Variants in FAM163A observed in about 807,000 individuals in gnomAD.
The protein encoded by FAM163A is family with sequence similarity 163 member A.
In FAM163A, 7 loss-of-function variants were observed where a neutral mutation model predicts 12.0. The observed-to-expected ratio is 0.58, with a 90% confidence interval of 0.33 to 1.10. The LOEUF (loss-of-function observed/expected upper bound fraction) is 1.10. Among genes scored for constraint, FAM163A ranks in the 50% least tolerant of loss-of-function variants. The pLI, the probability that FAM163A is intolerant of heterozygous loss-of-function variation, is 0.03. For synonymous variants in FAM163A, 101 were observed against 91.0 expected (o/e 1.11, Z -0.62); for missense variants, 202 against 218.6 (o/e 0.92, Z 0.48).
chr1:179,768,847 G>A (rs1051395124), intron 1 of FAM163A, among the ~76,000 whole-genome samples: 2 of 152,028 alleles, frequency 1.3e-5, no homozygotes, highest in African/African-American at 4.8e-5. Flanking sequence ...CTCATGATCC[G>A]CCTGTCTCAG....
intron 1 of FAM163A, among the ~76,000 whole-genome samples, chr1:179,783,921 T>C (rs1690222879): frequency 6.6e-6 from 1 of 151,622 alleles, no homozygotes; most frequent in African/African-American, 2.4e-5. Flanking sequence ...GATACACTAG[T>C]TGGCTATAAG....
At chr1:179,804,217 G>C (rs1274009042) in intron 1 of FAM163A, among the ~76,000 whole-genome samples, 1 of 152,138 alleles carries the variant, frequency 6.6e-6, no homozygotes, top group African/African-American at 2.4e-5. Context: ...TGCTGCTTCA[G>C]TAACTCTGGA....
intron 1 of FAM163A, among the ~76,000 whole-genome samples, chr1:179,749,266 TCC>T (rs1251655902): frequency 6.6e-6 from 1 of 152,126 alleles, no homozygotes; most frequent in African/African-American, 2.4e-5. Flanking sequence ...GTCTCTATAC[TCC>T]CCAGGGACTC....
the FAM163A span, among the ~76,000 whole-genome samples, chr1:179,729,606 T>C: frequency 2.6e-5 from 4 of 152,206 alleles, no homozygotes; most frequent in Non-Finnish European, 4.4e-5. Context: ...AGTAGCTGCT[T>C]TCAGAGTTGG....
the FAM163A span, among the ~76,000 whole-genome samples, chr1:179,735,029 C>T: frequency 6.6e-6 from 1 of 152,284 alleles, no homozygotes; most frequent in African/African-American, 2.4e-5. Context: ...TATATTAGAA[C>T]TTACTGAGCT....
intron 1 of FAM163A, among the ~76,000 whole-genome samples, chr1:179,760,064 T>A (rs920639779): frequency 6.6e-6 from 1 of 152,192 alleles, no homozygotes; most frequent in Non-Finnish European, 1.5e-5. Context: ...GATTCATGTT[T>A]TATAAAGATC....
At chr1:179,771,166 A>G (rs904884309) in intron 1 of FAM163A, among the ~76,000 whole-genome samples, 2 of 151,584 alleles carry the variant, frequency 1.3e-5, no homozygotes, top group Non-Finnish European at 2.9e-5. Context: ...CCTTCTGAAC[A>G]CTCCCCCATT....
chr1:179,809,873 C>T (rs1694462366), intron 2 of FAM163A, among the ~76,000 whole-genome samples: 1 of 152,168 alleles, frequency 6.6e-6, no homozygotes, highest in Non-Finnish European at 1.5e-5. Flanking sequence ...TGAGATTCAT[C>T]TGACCCCGCC....
intron 1 of FAM163A, among the ~76,000 whole-genome samples, chr1:179,768,536 G>T (rs1687812565): frequency 6.6e-6 from 1 of 152,154 alleles, no homozygotes; most frequent in African/African-American, 2.4e-5. Context: ...GGCTAGTCCT[G>T]ATCACTGTAC....
chr1:179,766,796 C>A (rs943819006), intron 1 of FAM163A, among the ~76,000 whole-genome samples: 1 of 151,880 alleles, frequency 6.6e-6, no homozygotes, highest in African/African-American at 2.4e-5. Context: ...ACTCTTGTCG[C>A]CCAGGCTGGA....
chr1:179,789,556 T>C (rs1691144363), intron 1 of FAM163A, among the ~76,000 whole-genome samples: 1 of 152,212 alleles, frequency 6.6e-6, no homozygotes, highest in African/African-American at 2.4e-5. Context: ...AGAACATCAT[T>C]GAATCTTGGA....
rs1293625864 is a variant in FAM163A, at chr1:179,812,098, GT to G, written c.-44-10del. 1.3e-5 allele frequency: 2 copies of G among 152,628 alleles called. No individual in the cohort carries two copies. The highest frequency in any genetic ancestry group is 3.8e-4 in the East Asian group (2 of 5,196). 9.5% of individuals were successfully genotyped at this position (152,628 alleles called of 1,614,324 possible). A position where few individuals can be genotyped will look rare whatever the true frequency, so the allele number is the denominator to read the frequency against. On this transcript the variant is annotated splice_polypyrimidine_tract_variant and intron_variant, in intron 2 of 4. Transcript: ENST00000341785. The stretch of plus-strand genomic sequence containing the variant: ...TTCTTCCAACATCTCTGTCCTTTCT[GT>G]TGTCTTGCAGGTCGCCGTTCCCTTT...
chr1:179,799,442 G>C (rs1213627046), intron 1 of FAM163A, among the ~76,000 whole-genome samples: 1 of 152,250 alleles, frequency 6.6e-6, no homozygotes, highest in Non-Finnish European at 1.5e-5. Context: ...AGCCAGGGTG[G>C]CATGGAGATG....
At chr1:179,771,939 C>T (rs1278882312) in intron 1 of FAM163A, among the ~76,000 whole-genome samples, 4 of 152,100 alleles carry the variant, frequency 2.6e-5, no homozygotes, top group African/African-American at 9.7e-5. Context: ...GGCATGTCCC[C>T]ATCTTCCTAA....
chr1:179,767,423 A>T (rs1687655416), intron 1 of FAM163A, among the ~76,000 whole-genome samples: 1 of 151,990 alleles, frequency 6.6e-6, no homozygotes, highest in Admixed American at 6.5e-5. Context: ...AGCTCTCAGC[A>T]TTGTGCACTT....
At position 179,814,251 on chromosome 1, in the gene FAM163A, G is replaced by A. The variant is rs1275957961; in HGVS notation, c.*62G>A. The A allele has an allele frequency of 1.5e-5, 23 of 1,523,414 alleles. No homozygotes were observed. Among genetic ancestry groups the A allele is most frequent in the Admixed American group, 8.4e-5 (4 of 47,478 alleles). 94.4% of individuals were successfully genotyped at this position (1,523,414 alleles called of 1,614,324 possible). A position where few individuals can be genotyped will look rare whatever the true frequency, so the allele number is the denominator to read the frequency against. On this transcript the variant is annotated 3_prime_UTR_variant, in exon 5 of 5. Coordinates refer to ENST00000341785, the MANE Select transcript of FAM163A (RefSeq NM_173509.3). ...CTGCCCTGGCGGGGGCCATGGGGGT[G>A]ATGAATGACCCTCCAACAGCCCCAC...
At chr1:179,761,166 T>C (rs1431631585) in intron 1 of FAM163A, among the ~76,000 whole-genome samples, 2 of 152,236 alleles carry the variant, frequency 1.3e-5, no homozygotes, top group African/African-American at 2.4e-5. Context: ...TCCTGGTAAG[T>C]GTATGTGCAT....
At chr1:179,777,676 G>A (rs1557931883) in intron 1 of FAM163A, among the ~76,000 whole-genome samples, 1 of 152,302 alleles carries the variant, frequency 6.6e-6, no homozygotes, top group East Asian at 1.9e-4. Flanking sequence ...GATACAGTAA[G>A]AAGCTGCTTT....
chr1:179,793,293 A>C (rs1238954087), intron 1 of FAM163A, among the ~76,000 whole-genome samples: 4 of 149,066 alleles, frequency 2.7e-5, no homozygotes, highest in African/African-American at 1.0e-4. Context: ...TACATGTCAC[A>C]TATGTCACCA....
Sources: allele counts gnomAD v4.1 joint callset (sites outside exome capture counted in the v4.1 genomes callset), GRCh38; gene constraint gnomAD v4.1.1; transcripts MANE v1.5; gene names NCBI Gene and HGNC (gene_info 2026-07-23, HGNC 2026-07-21).